ERC2: variants seen among roughly 807,000 people sequenced by gnomAD.
ERC2 encodes the protein ERC protein 2.
ERC2 carries 42 observed loss-of-function variants against 114.8 expected under a neutral mutation model. The observed-to-expected ratio is 0.37, with a 90% CI of 0.29 to 0.47. The LOEUF (loss-of-function observed/expected upper bound fraction) is 0.47. ERC2 is among the 20% of genes least tolerant of loss of function. The probability of loss-of-function intolerance (pLI) is 0.99; values close to 1 mark genes in which losing one functional copy is unlikely to be tolerated. For synonymous variants in ERC2, 454 were observed against 425.5 expected (o/e 1.07, Z -0.82); for missense variants, 939 against 1,150.7 (o/e 0.82, Z 2.66).
At chr3:55,883,654 C>G (rs1412166276) in intron 14 of ERC2, among the ~76,000 whole-genome samples, 3 of 152,058 alleles carry the variant, frequency 2.0e-5, no homozygotes, top group Non-Finnish European at 4.4e-5. Context: ...CTTTGGGAGG[C>G]TGAGGCGGGT....
intron 3 of ERC2, among the ~76,000 whole-genome samples, chr3:56,249,548 G>A (rs894227791): frequency 6.6e-6 from 1 of 151,954 alleles, no homozygotes; most frequent in Non-Finnish European, 1.5e-5. Context: ...GGATGGTCTC[G>A]ATCTCCTGAC....
At chr3:56,446,389 G>A (rs1041040706) in intron 1 of ERC2, among the ~76,000 whole-genome samples, 2 of 152,060 alleles carry the variant, frequency 1.3e-5, no homozygotes, top group Admixed American at 6.6e-5. Flanking sequence ...TGGAGACCTC[G>A]CATGCTGTAT....
chr3:56,100,198 T>G (rs1156920728), intron 6 of ERC2, among the ~76,000 whole-genome samples: 1 of 152,210 alleles, frequency 6.6e-6, no homozygotes, highest in Non-Finnish European at 1.5e-5. Context: ...ATGCTGCATT[T>G]GAATAACGTT....
chr3:55,665,084 C>T lies in ERC2; in HGVS notation c.*39+18710G>A, dbSNP rs191343416. Among the ~76,000 whole-genome samples the T allele has an allele frequency of 2.2e-4, 33 of 152,192 alleles. No individual in the cohort carries two copies. In the East Asian group the frequency reaches 2.7e-3, roughly 12 times the overall value. ...AGAATAATTTTGGGAAGAGGGTGCG[C>T]GGTGAAGGTGTAGAAGGTAGCCGTC... On this transcript the variant is annotated intron_variant, in intron 17 of 17. Coordinates refer to ENST00000288221, the MANE Select transcript of ERC2 (RefSeq NM_015576.3).
intron 3 of ERC2, among the ~76,000 whole-genome samples, chr3:56,246,637 A>G (rs1158111736): frequency 1.3e-5 from 2 of 152,104 alleles, no homozygotes; most frequent in African/African-American, 4.8e-5. Flanking sequence ...CGCTGCTGCT[A>G]AGTGGCAGAA....
chr3:55,959,504 A>G (rs982762128), intron 12 of ERC2, among the ~76,000 whole-genome samples: 1 of 152,196 alleles, frequency 6.6e-6, no homozygotes, highest in Non-Finnish European at 1.5e-5. Context: ...AGCCCACAGG[A>G]AACTCCAAGG....
chr3:56,268,605 T>C lies in ERC2; in HGVS notation c.1074+27414A>G, dbSNP rs549126336. 3.8e-4 allele frequency among the ~76,000 whole-genome samples: 58 copies of C among 152,350 alleles called. No homozygotes were observed. In the South Asian group the frequency reaches 0.012, roughly 30 times the overall value. The stretch of plus-strand genomic sequence containing the variant: ...AATACAGAATTTATATTTGCTAACT[T>C]ACAAAATAAATCAACTTTTAATGTG... On this transcript the variant is annotated intron_variant, in intron 3 of 17. Coordinates refer to ENST00000288221, the MANE Select transcript of ERC2 (RefSeq NM_015576.3).
At chr3:56,301,941 A>G (rs2055904777) in intron 2 of ERC2, among the ~76,000 whole-genome samples, 1 of 152,162 alleles carries the variant, frequency 6.6e-6, no homozygotes, top group Non-Finnish European at 1.5e-5. Context: ...ATAAAGCTCT[A>G]GAAAGTACCA....
chr3:55,706,839 CT>C (rs1189354785), intron 15 of ERC2, among the ~76,000 whole-genome samples: 1 of 152,212 alleles, frequency 6.6e-6, no homozygotes. Context: ...ATGGATACTT[CT>C]TGAGAGTTCT....
At chr3:56,204,171 A>G (rs932713901) in intron 3 of ERC2, among the ~76,000 whole-genome samples, 1 of 152,206 alleles carries the variant, frequency 6.6e-6, no homozygotes, top group African/African-American at 2.4e-5. Flanking sequence ...CCTGGGAGAC[A>G]GAAAGAGACT....
chr3:55,558,039 T>C (rs746223637), intron 17 of ERC2, among the ~76,000 whole-genome samples: 2 of 152,226 alleles, frequency 1.3e-5, no homozygotes, highest in Non-Finnish European at 2.9e-5. Flanking sequence ...TAATATTGGC[T>C]AATTAACGGA....
At chr3:56,326,529 A>G (rs2057370019) in intron 2 of ERC2, among the ~76,000 whole-genome samples, 1 of 152,246 alleles carries the variant, frequency 6.6e-6, no homozygotes, top group Non-Finnish European at 1.5e-5. Context: ...GCTGTTCTCC[A>G]GAACCACCTT....
intron 6 of ERC2, among the ~76,000 whole-genome samples, chr3:56,103,741 GTGTA>G (rs1365591036): frequency 1.6e-4 from 21 of 134,726 alleles, no homozygotes; most frequent in African/African-American, 5.9e-4. Context: ...AAAACTAGAA[GTGTA>G]TCTATCTATC....
intron 2 of ERC2, among the ~76,000 whole-genome samples, chr3:56,383,465 T>C (rs2059826352): frequency 6.6e-6 from 1 of 152,208 alleles, no homozygotes; most frequent in African/African-American, 2.4e-5. Flanking sequence ...TCCACTAGCA[T>C]ATAAGCTCCA....
intron 10 of ERC2, among the ~76,000 whole-genome samples, chr3:56,001,413 A>C (rs923030223): frequency 6.6e-6 from 1 of 152,178 alleles, no homozygotes; most frequent in Non-Finnish European, 1.5e-5. Flanking sequence ...CATCCCTATC[A>C]GTCCAAAAAA....
chr3:56,080,524 C>T (rs2077181676), intron 7 of ERC2, among the ~76,000 whole-genome samples: 1 of 152,198 alleles, frequency 6.6e-6, no homozygotes, highest in South Asian at 2.1e-4. Context: ...ACTTTTGGGA[C>T]CTTTGGTTAT....
At chr3:56,251,634 A>G (rs1210531225) in intron 3 of ERC2, among the ~76,000 whole-genome samples, 2 of 152,248 alleles carry the variant, frequency 1.3e-5, no homozygotes, top group Middle Eastern at 3.2e-3. Flanking sequence ...GAAGAAACTT[A>G]GTTCAGTGTT....
chr3:56,101,245 C>A (rs1280848703), intron 6 of ERC2, among the ~76,000 whole-genome samples: 2 of 152,160 alleles, frequency 1.3e-5, no homozygotes. Flanking sequence ...TCATATCACA[C>A]CTCAGGAAAA....
chr3:55,509,785 A>T lies in ERC2; in HGVS notation c.*1531T>A, dbSNP rs934416327. 6.6e-6 allele frequency: 1 copy of T among 152,652 alleles called. No homozygotes were observed. Among genetic ancestry groups the T allele is most frequent in the Non-Finnish European group, 1.5e-5 (1 of 68,042 alleles). 9.5% of individuals were successfully genotyped at this position (152,652 alleles called of 1,614,324 possible). On this transcript the variant is annotated 3_prime_UTR_variant, in exon 18 of 18. Coordinates refer to ENST00000288221, the MANE Select transcript of ERC2 (RefSeq NM_015576.3). Reference sequence around the variant, plus strand: ...TAATAATGACTAAATTCAATGCAAGACTTCAGGGACATCTGTTTAGAATCC... The same window carrying T: ...TAATAATGACTAAATTCAATGCAAGTCTTCAGGGACATCTGTTTAGAATCC...
Sources: gnomAD v4.1 joint callset for allele counts (sites outside exome capture counted in the v4.1 genomes callset) on GRCh38, gnomAD v4.1.1 for gene constraint, MANE v1.5 for transcripts, NCBI Gene and HGNC (gene_info 2026-07-23, HGNC 2026-07-21) for gene names.